The following TIMMDC1 variants were observed in gnomAD, a reference collection of about 807,000 sequenced individuals.
The protein encoded by TIMMDC1 is complex I assembly factor TIMMDC1, mitochondrial.
A neutral mutation model predicts 32.6 loss-of-function variants in TIMMDC1; 25 were observed. That is an observed-to-expected ratio of 0.77 (90% CI 0.56 to 1.07). The LOEUF (loss-of-function observed/expected upper bound fraction) is 1.07. Ranked by LOEUF, TIMMDC1 falls within the 50% of genes least tolerant of loss-of-function variation. The pLI is 0.00. For synonymous variants in TIMMDC1, 130 were observed against 127.6 expected (o/e 1.02, Z -0.13); for missense variants, 329 against 349.2 (o/e 0.94, Z 0.46).
At chr3:119,514,628 A>C (rs2081973849) in intron 5 of TIMMDC1, among the ~76,000 whole-genome samples, 1 of 152,236 alleles carries the variant, frequency 6.6e-6, no homozygotes, top group African/African-American at 2.4e-5. Flanking sequence ...CATGTATCAC[A>C]TCAGGAGATA....
intron 5 of TIMMDC1, among the ~76,000 whole-genome samples, chr3:119,514,253 C>T (rs1004431528): frequency 6.6e-6 from 1 of 152,184 alleles, no homozygotes; most frequent in African/African-American, 2.4e-5. Context: ...ATACCCTTCA[C>T]CTAGATTCAC....
chr3:119,500,850 T>G lies in TIMMDC1; in HGVS notation c.350T>G (p.Phe117Cys). ...CAGGCAGAAATTTATCATAACCGGT[T>G]TGATGCTGTGGTATGTACTGGTGAT... ...QSQAEIYHNRFDAVQSAHRAA... is the reference protein window; with the variant it reads ...QSQAEIYHNRCDAVQSAHRAA... Residue 117 changes from phenylalanine (F) to cysteine (C), a missense_variant, in exon 2 of 7, where the codon TTT becomes TGT. Coordinates refer to ENST00000494664, the MANE Select transcript of TIMMDC1 (RefSeq NM_016589.4). 1 of 1,613,880 alleles carries G rather than the reference T, an allele frequency of 6.2e-7. No individual in the cohort carries two copies. The highest frequency in any genetic ancestry group is 8.5e-7 in the Non-Finnish European group (1 of 1,179,842).
At chr3:119,510,315 AAAATTAC>A (rs1458648420) in intron 4 of TIMMDC1, among the ~76,000 whole-genome samples, 1 of 152,208 alleles carries the variant, frequency 6.6e-6, no homozygotes, top group African/African-American at 2.4e-5. Flanking sequence ...TTCTCTGAAG[AAAATTAC>A]AAATCATAAA....
intron 4 of TIMMDC1, among the ~76,000 whole-genome samples, chr3:119,509,684 A>C (rs1446192444): frequency 1.5e-5 from 2 of 137,642 alleles, no homozygotes; most frequent in Non-Finnish European, 3.1e-5. Flanking sequence ...CAATGCAACT[A>C]AATTTTTTTT....
At chr3:119,512,691 T>G (rs779462374) in intron 4 of TIMMDC1, among the ~76,000 whole-genome samples, 1 of 152,184 alleles carries the variant, frequency 6.6e-6, no homozygotes, top group Non-Finnish European at 1.5e-5. Flanking sequence ...CTTGTTAATT[T>G]TGAAAATTTT....
At chr3:119,509,766 A>G (rs976061528) in intron 4 of TIMMDC1, among the ~76,000 whole-genome samples, 2 of 151,186 alleles carry the variant, frequency 1.3e-5, no homozygotes, top group Non-Finnish European at 2.9e-5. Flanking sequence ...GCTCGCTGCA[A>G]CCTCCACCTT....
In TIMMDC1 at chr3:119,521,607, C is replaced by T. The variant is rs1167821995; in HGVS notation, c.708-1999C>T. Among the ~76,000 whole-genome samples the T allele has an allele frequency of 2.6e-5, 4 of 151,822 alleles. No homozygotes were observed. In the East Asian group the frequency reaches 7.7e-4, roughly 29 times the overall value. ...ACTTGGGAGACTGAGGCTGAAGGAT[C>T]CCTTGAGCCCAGTAATTCAAGGCAG... On this transcript the variant is annotated intron_variant, in intron 6 of 6. Transcript: ENST00000494664.
chr3:119,509,499 T>C (rs1190292178), intron 4 of TIMMDC1, among the ~76,000 whole-genome samples: 1 of 152,124 alleles, frequency 6.6e-6, no homozygotes, highest in African/African-American at 2.4e-5. Flanking sequence ...AAAGACTTCA[T>C]ATTGTATAAT....
chr3:119,498,605 C>T lies in TIMMDC1; in HGVS notation c.-129C>T, dbSNP rs1054700641. The stretch of plus-strand genomic sequence containing the variant: ...GGACTGAAGGTGTGGGTGTCGAGCC[C>T]TCTGGCAGAGGGTTAACCTGGGTCA... On this transcript the variant is annotated 5_prime_UTR_variant, in exon 1 of 7. Transcript: ENST00000494664. 1.1e-6 allele frequency: 1 copy of T among 894,832 alleles called. No homozygotes were observed. Among genetic ancestry groups the T allele is most frequent in the Admixed American group, 2.3e-5 (1 of 44,388 alleles). 55.4% of individuals were successfully genotyped at this position (894,832 alleles called of 1,614,324 possible). A position where few individuals can be genotyped will look rare whatever the true frequency, so the allele number is the denominator to read the frequency against.
At chr3:119,499,508 C>G (rs530962498) in intron 1 of TIMMDC1, among the ~76,000 whole-genome samples, 1 of 151,636 alleles carries the variant, frequency 6.6e-6, no homozygotes, top group African/African-American at 2.4e-5. Context: ...CTCTTCACTT[C>G]CCAGGTTCAA....
chr3:119,503,834 G>C (rs2081897854), intron 3 of TIMMDC1, 120 bp from the exon 4 acceptor site: 1 of 905,326 alleles, frequency 1.1e-6, no homozygotes, highest in Admixed American at 2.5e-5. Context: ...GCCTAGGCTA[G>C]GAACAGGGAT....
chr3:119,504,505 A>T (rs993476645), intron 4 of TIMMDC1, among the ~76,000 whole-genome samples: 1 of 151,904 alleles, frequency 6.6e-6, no homozygotes, highest in African/African-American at 2.4e-5. Context: ...TTGAGATGAG[A>T]TTGGTGAGGA....
rs761217056 is a variant in TIMMDC1, at chr3:119,523,773, A to C, written c.*17A>C. On this transcript the variant is annotated 3_prime_UTR_variant, in exon 7 of 7. Coordinates refer to ENST00000494664, the MANE Select transcript of TIMMDC1 (RefSeq NM_016589.4). ...AAGGACTGAAAGTGCTCTGAACTTG[A>C]AACTCACTGGAGAGCTGAAGGGAGC... 112 of 1,578,586 alleles carry C rather than the reference A, an allele frequency of 7.1e-5. No individual in the cohort carries two copies. The highest frequency in any genetic ancestry group is 9.4e-5 in the South Asian group (8 of 85,480).
At chr3:119,518,005 T>C (rs536183272) in intron 6 of TIMMDC1, among the ~76,000 whole-genome samples, 3 of 150,180 alleles carry the variant, frequency 2.0e-5, no homozygotes, top group African/African-American at 4.9e-5. Flanking sequence ...TGCATACATA[T>C]GTAAGTAAGA....
At position 119,498,576 on chromosome 3, in the gene TIMMDC1, C is replaced by T. The variant is rs1272941724; in HGVS notation, c.-158C>T. 1 of 678,472 alleles carries T rather than the reference C, an allele frequency of 1.5e-6. No homozygotes were observed. Among genetic ancestry groups the T allele is most frequent in the Non-Finnish European group, 2.5e-6 (1 of 400,090 alleles). 42.0% of individuals were successfully genotyped at this position (678,472 alleles called of 1,614,324 possible). On this transcript the variant is annotated 5_prime_UTR_variant, in exon 1 of 7. Transcript: ENST00000494664. Reference sequence around the variant, plus strand: ...TATTTCCAAGGACTCCAAAGCGAGGCCGGGGACTGAAGGTGTGGGTGTCGA... The same window carrying T: ...TATTTCCAAGGACTCCAAAGCGAGGTCGGGGACTGAAGGTGTGGGTGTCGA...
intron 4 of TIMMDC1, among the ~76,000 whole-genome samples, chr3:119,512,420 AG>A (rs1233998252): frequency 1.3e-5 from 2 of 152,108 alleles, no homozygotes; most frequent in Admixed American, 1.3e-4. Context: ...CTAGGATTAC[AG>A]GTGTGTGCCG....
intron 4 of TIMMDC1, among the ~76,000 whole-genome samples, chr3:119,511,910 G>C (rs1472489304): frequency 6.6e-6 from 1 of 152,174 alleles, no homozygotes; most frequent in Non-Finnish European, 1.5e-5. Flanking sequence ...GAATGCAGAA[G>C]ACTAGATTAC....
intron 2 of TIMMDC1, among the ~76,000 whole-genome samples, chr3:119,502,797 G>A (rs2081889115): frequency 6.6e-6 from 1 of 152,002 alleles, no homozygotes. Context: ...GTCGGCTCAA[G>A]TGATCCTCCC....
chr3:119,498,950 GT>G, intron 1 of TIMMDC1, 23 bp downstream of exon 1: 1 of 1,611,938 alleles, frequency 6.2e-7, no homozygotes, highest in Non-Finnish European at 8.5e-7. Flanking sequence ...AGGGTGTGAA[GT>G]GGGGTAGGGG....
Sources: gnomAD v4.1 joint callset for allele counts (sites outside exome capture counted in the v4.1 genomes callset) on GRCh38, gnomAD v4.1.1 for gene constraint, MANE v1.5 for transcripts, NCBI Gene and HGNC (gene_info 2026-07-23, HGNC 2026-07-21) for gene names.